Variants in TTC28 observed in about 807,000 individuals in gnomAD.
TTC28 encodes tetratricopeptide repeat domain 28, also known as tetratricopeptide repeat protein 28.
TTC28 carries 61 observed loss-of-function variants against 198.0 expected under a neutral mutation model. The ratio of observed to expected loss-of-function variants is 0.31; its 90% CI spans 0.25 to 0.38. The LOEUF is 0.38. TTC28 is among the 10% of genes least tolerant of loss of function. The pLI is 1.00. For missense variants in TTC28, 2,678 were observed against 3,164.0 expected (o/e 0.85, Z 3.69); for synonymous variants, 1,171 against 1,297.8 (o/e 0.90, Z 2.10).
At chr22:28,162,815 T>C (rs1921368691) in intron 6 of TTC28, among the ~76,000 whole-genome samples, 1 of 152,134 alleles carries the variant, frequency 6.6e-6, no homozygotes, top group East Asian at 1.9e-4. Flanking sequence ...CCAGGTGTAC[T>C]GGCGTGTGCC....
intron 2 of TTC28, among the ~76,000 whole-genome samples, chr22:28,556,204 C>T (rs770111714): frequency 6.6e-5 from 10 of 151,974 alleles, no homozygotes; most frequent in Non-Finnish European, 1.2e-4. Context: ...ACTAAAAATA[C>T]AAAATTAGCT....
intron 5 of TTC28, among the ~76,000 whole-genome samples, chr22:28,216,227 A>AT (rs1927390318): frequency 6.6e-6 from 1 of 152,238 alleles, no homozygotes; most frequent in Non-Finnish European, 1.5e-5. Flanking sequence ...AAGACCTGGC[A>AT]TATAACTAGT....
At chr22:28,167,602 CT>C (rs1165436669) in intron 5 of TTC28, among the ~76,000 whole-genome samples, 1 of 152,144 alleles carries the variant, frequency 6.6e-6, no homozygotes, top group African/African-American at 2.4e-5. Flanking sequence ...CAGAAAAGGC[CT>C]TTGACAAAAT....
chr22:27,991,503 C>G (rs950602385), intron 19 of TTC28, among the ~76,000 whole-genome samples: 21 of 152,236 alleles, frequency 1.4e-4, no homozygotes, highest in Non-Finnish European at 4.4e-5. Context: ...CAGGTGGAAA[C>G]AGCCCTAGGT....
At chr22:27,985,550 A>G in intron 21 of TTC28, 194 bp from the exon 22 acceptor site, 1 of 488,946 alleles carries the variant, frequency 2.0e-6, no homozygotes, top group South Asian at 2.2e-5. Context: ...CCCCACCCAG[A>G]ACATCCACTC....
At chr22:28,437,140 T>C (rs2047532534) in intron 2 of TTC28, among the ~76,000 whole-genome samples, 1 of 152,004 alleles carries the variant, frequency 6.6e-6, no homozygotes, top group African/African-American at 2.4e-5. Flanking sequence ...TGGAGTGCAG[T>C]GGCATGACCT....
chr22:28,168,612 T>C (rs1240949771), intron 5 of TTC28, among the ~76,000 whole-genome samples: 1 of 152,132 alleles, frequency 6.6e-6, no homozygotes, highest in African/African-American at 2.4e-5. Flanking sequence ...GAAAACTGGC[T>C]AGCCATATGT....
intron 2 of TTC28, among the ~76,000 whole-genome samples, chr22:28,572,509 T>C (rs921778663): frequency 6.6e-6 from 1 of 152,160 alleles, no homozygotes; most frequent in Non-Finnish European, 1.5e-5. Flanking sequence ...ATATTAAACA[T>C]GGCCCTGACC....
intron 1 of TTC28, among the ~76,000 whole-genome samples, chr22:28,663,808 GCCTGCCTGCC>G (rs1487463453): frequency 9.2e-6 from 1 of 108,340 alleles, no homozygotes; most frequent in Non-Finnish European, 1.9e-5. Flanking sequence ...GCTCAAGGAG[GCCTGCCTGCC>G]TCTGTAGGCT....
chr22:28,475,794 G>A (rs555316140), intron 2 of TTC28, among the ~76,000 whole-genome samples: 5 of 152,234 alleles, frequency 3.3e-5, no homozygotes, highest in South Asian at 2.1e-4. Context: ...GGACCTACAC[G>A]CTGAAGTATG....
chr22:28,519,003 C>G (rs1354756556), intron 2 of TTC28, among the ~76,000 whole-genome samples: 3 of 152,150 alleles, frequency 2.0e-5, no homozygotes, highest in Admixed American at 1.3e-4. Flanking sequence ...TTCTAGCCAC[C>G]CTCTGAAATC....
At chr22:28,099,834 G>A (rs1243705672) in intron 9 of TTC28, among the ~76,000 whole-genome samples, 2 of 152,144 alleles carry the variant, frequency 1.3e-5, no homozygotes, top group African/African-American at 4.8e-5. Context: ...GGAAATGGAC[G>A]AGCCTGAGGG....
At chr22:28,472,594 A>G (rs932596190) in intron 2 of TTC28, among the ~76,000 whole-genome samples, 20 of 130,324 alleles carry the variant, frequency 1.5e-4, no homozygotes, top group African/African-American at 3.9e-4. Context: ...GTGTGTGTGT[A>G]TCCTCAAATA....
chr22:28,549,616 A>T (rs1430466285), intron 2 of TTC28, among the ~76,000 whole-genome samples: 3 of 152,218 alleles, frequency 2.0e-5, no homozygotes, highest in Non-Finnish European at 4.4e-5. Context: ...GCCTAAAGTT[A>T]ATACATAATG....
At chr22:28,513,114 T>G (rs545469386) in intron 2 of TTC28, among the ~76,000 whole-genome samples, 2 of 151,872 alleles carry the variant, frequency 1.3e-5, no homozygotes, top group African/African-American at 4.8e-5. Flanking sequence ...CCAAAGCACT[T>G]GGATTACAGA....
intron 12 of TTC28, among the ~76,000 whole-genome samples, chr22:28,083,581 T>C (rs1235499802): frequency 6.6e-6 from 1 of 152,180 alleles, no homozygotes; most frequent in East Asian, 1.9e-4. Flanking sequence ...GCTCCCAGCG[T>C]GAGCGATGCA....
At chr22:28,590,494 T>C (rs774665588) in intron 2 of TTC28, among the ~76,000 whole-genome samples, 10 of 152,110 alleles carry the variant, frequency 6.6e-5, no homozygotes, top group Non-Finnish European at 1.5e-4. Flanking sequence ...AGCTCATGAC[T>C]GTAATGCCAT....
chr22:28,629,580 G>T lies in TTC28; in HGVS notation c.353C>A (p.Ala118Asp), dbSNP rs764848984. The change falls in exon 2 of 23, where the codon GCT (alanine) becomes GAT (aspartate). Residue 118 changes from alanine (A) to aspartate (D), a missense_variant. Coordinates refer to ENST00000397906, the MANE Select transcript of TTC28 (RefSeq NM_001145418.2). Reference sequence around the variant, plus strand: ...TGGCCACTTGGGATTGAGAAGTCGAGCTTTGATTGCATCATCCAGTGCCTT... The same window carrying T: ...TGGCCACTTGGGATTGAGAAGTCGATCTTTGATTGCATCATCCAGTGCCTT... Reference protein sequence around the residue: ...YDKALDDAIKARLLNPKWPKA... With the variant: ...YDKALDDAIKDRLLNPKWPKA... The T allele has an allele frequency of 2.6e-6, 4 of 1,551,434 alleles. No homozygotes were observed. The South Asian group carries it at 4.8e-5, about 18-fold the overall frequency.
chr22:28,089,994 T>C (rs1431753723), intron 12 of TTC28, among the ~76,000 whole-genome samples: 1 of 151,724 alleles, frequency 6.6e-6, no homozygotes, highest in Admixed American at 6.6e-5. Context: ...AGGATAGCAT[T>C]AGGAGATATA....
Sources: allele counts gnomAD v4.1 joint callset (sites outside exome capture counted in the v4.1 genomes callset), GRCh38; gene constraint gnomAD v4.1.1; transcripts MANE v1.5; gene names NCBI Gene and HGNC (gene_info 2026-07-23, HGNC 2026-07-21).